The following CPQ variants were observed in gnomAD, a reference collection of about 807,000 sequenced individuals.
CPQ encodes the protein Ser-Met dipeptidase.
In CPQ, 37 loss-of-function variants were observed where a neutral mutation model predicts 45.7. That is an observed-to-expected ratio of 0.81 (90% CI 0.62 to 1.07). The LOEUF is 1.07. Among genes scored for constraint, CPQ ranks in the 50% least tolerant of loss-of-function variants. The pLI, the probability that CPQ is intolerant of heterozygous loss-of-function variation, is 0.00. For synonymous variants in CPQ, 186 were observed against 205.8 expected, an observed-to-expected ratio of 0.90 and a Z score of 0.82; for missense variants, 537 against 572.9, an observed-to-expected ratio of 0.94 and a Z score of 0.64.
intron 7 of CPQ, among the ~76,000 whole-genome samples, chr8:97,118,777 T>C (rs1448536903): frequency 6.6e-6 from 1 of 152,154 alleles, no homozygotes; most frequent in Non-Finnish European, 1.5e-5. Flanking sequence ...GTATATATGT[T>C]ATATATAGGT....
chr8:97,000,124 G>A (rs1365787073), intron 5 of CPQ, among the ~76,000 whole-genome samples: 1 of 151,768 alleles, frequency 6.6e-6, no homozygotes, highest in East Asian at 1.9e-4. Context: ...GTTCCTTATA[G>A]ATGCTGGATA....
chr8:96,770,947 C>T (rs1810535153), intron 1 of CPQ, among the ~76,000 whole-genome samples: 1 of 148,692 alleles, frequency 6.7e-6, no homozygotes, highest in South Asian at 2.1e-4. Context: ...AAGAACAGTG[C>T]TGAATACATC....
At chr8:97,087,365 C>G (rs1811057450) in intron 7 of CPQ, among the ~76,000 whole-genome samples, 1 of 152,108 alleles carries the variant, frequency 6.6e-6, no homozygotes, top group South Asian at 2.1e-4. Flanking sequence ...CCAGCTCAGG[C>G]AGGCAGCCTC....
intron 1 of CPQ, among the ~76,000 whole-genome samples, chr8:96,717,041 A>T (rs1178338147): frequency 1.2e-4 from 4 of 32,882 alleles, no homozygotes; most frequent in African/African-American, 4.1e-4. Flanking sequence ...ATATATATAT[A>T]TATATATATA....
At chr8:96,952,333 A>G (rs1472693699) in intron 4 of CPQ, among the ~76,000 whole-genome samples, 1 of 151,868 alleles carries the variant, frequency 6.6e-6, no homozygotes, top group Non-Finnish European at 1.5e-5. Flanking sequence ...GAAAAGTAGA[A>G]TGTTGGCCAC....
chr8:96,885,980 GA>G (rs36090013), intron 4 of CPQ, among the ~76,000 whole-genome samples: 74,356 of 149,454 alleles, frequency 0.5, 18,562 homozygotes, highest in Middle Eastern at 0.57. Flanking sequence ...CATCTCAACA[GA>G]AAAAAAAAAG....
intron 6 of CPQ, among the ~76,000 whole-genome samples, chr8:97,059,267 C>T (rs1187124273): frequency 6.6e-6 from 1 of 152,066 alleles, no homozygotes; most frequent in African/African-American, 2.4e-5. Flanking sequence ...GTTCCTGTCT[C>T]CAGGTACGAT....
chr8:96,680,760 A>G (rs1042045816), intron 1 of CPQ, among the ~76,000 whole-genome samples: 2 of 152,176 alleles, frequency 1.3e-5, no homozygotes, highest in Non-Finnish European at 2.9e-5. Context: ...AAAGTGTGGG[A>G]AAGTGTGGAA....
At chr8:96,704,332 G>A (rs1479593439) in intron 1 of CPQ, among the ~76,000 whole-genome samples, 1 of 152,150 alleles carries the variant, frequency 6.6e-6, no homozygotes, top group Non-Finnish European at 1.5e-5. Flanking sequence ...ATTGCTGAAT[G>A]TCCATCACTG....
At chr8:96,758,537 G>A (rs1483944076) in intron 1 of CPQ, among the ~76,000 whole-genome samples, 3 of 152,142 alleles carry the variant, frequency 2.0e-5, no homozygotes, top group African/African-American at 7.2e-5. Context: ...CAATGAAGGT[G>A]TGTGCATGTG....
At chr8:96,787,525 C>CTTTTTTTTTTTTTTTTGTTTTTTTTTT (rs1810785286) in intron 2 of CPQ, among the ~76,000 whole-genome samples, 1 of 47,594 alleles carries the variant, frequency 2.1e-5, no homozygotes, top group African/African-American at 8.1e-5. Context: ...CTTATAATGT[C>CTTTTTTTTTTTTTTTTGTTTTTTTTTT]TTTTTTTTTT....
At chr8:97,031,848 G>T (rs1809912547) in intron 6 of CPQ, among the ~76,000 whole-genome samples, 1 of 152,146 alleles carries the variant, frequency 6.6e-6, no homozygotes, top group Non-Finnish European at 1.5e-5. Context: ...TTGGCATTTT[G>T]TTTTACAGTA....
rs1810138253 is a variant in CPQ, at chr8:97,042,127, G to T, written c.1053+12633G>T. Among the ~76,000 whole-genome samples, 4 of 152,302 alleles carry T rather than the reference G, an allele frequency of 2.6e-5. No homozygotes were observed. In the South Asian group the frequency reaches 8.3e-4, roughly 32 times the overall value. On this transcript the variant is annotated intron_variant, in intron 6 of 7. Coordinates refer to ENST00000220763, the MANE Select transcript of CPQ (RefSeq NM_016134.4). ...ATCCATCTGGTCCTGGACTCTTTTT[G>T]GTTGGTAAGCTATTGATTACTGCCA... is the stretch of plus-strand genomic sequence containing the variant.
chr8:96,879,746 T>G, intron 3 of CPQ, 52 bp from the exon 4 acceptor site: 2 of 1,404,050 alleles, frequency 1.4e-6, no homozygotes, highest in Non-Finnish European at 2.0e-6. Context: ...TTCAAAAAAG[T>G]CTTTTGGTCT....
chr8:97,060,596 A>G (rs1437739185), intron 6 of CPQ, among the ~76,000 whole-genome samples: 1 of 152,182 alleles, frequency 6.6e-6, no homozygotes, highest in Non-Finnish European at 1.5e-5. Context: ...TGAGCTGCTC[A>G]GCCTCCTCTT....
At chr8:96,758,614 A>G (rs1810357135) in intron 1 of CPQ, among the ~76,000 whole-genome samples, 1 of 152,210 alleles carries the variant, frequency 6.6e-6, no homozygotes, top group African/African-American at 2.4e-5. Flanking sequence ...CATACATAAT[A>G]GCCTGCTGCC....
chr8:96,708,841 G>A (rs2130751825), intron 1 of CPQ, among the ~76,000 whole-genome samples: 1 of 152,172 alleles, frequency 6.6e-6, no homozygotes, highest in South Asian at 2.1e-4. Flanking sequence ...TACCTACATA[G>A]TTGTCTCGGC....
At chr8:96,826,930 C>A (rs367810626) in intron 2 of CPQ, among the ~76,000 whole-genome samples, 1 of 151,988 alleles carries the variant, frequency 6.6e-6, no homozygotes, top group South Asian at 2.1e-4. Context: ...GCTTCCAGCT[C>A]CACCCATGAC....
chr8:97,121,612 T>A (rs980227807), intron 7 of CPQ, among the ~76,000 whole-genome samples: 18 of 152,134 alleles, frequency 1.2e-4, no homozygotes, highest in African/African-American at 4.1e-4. Context: ...ATTATATCTA[T>A]CATTCAATCA....
Sources: allele counts gnomAD v4.1 joint callset (sites outside exome capture counted in the v4.1 genomes callset), GRCh38; gene constraint gnomAD v4.1.1; transcripts MANE v1.5; gene names NCBI Gene and HGNC (gene_info 2026-07-23, HGNC 2026-07-21).